CPSF7: variants seen among roughly 807,000 people sequenced by gnomAD.
CPSF7 encodes cleavage and polyadenylation specific factor 7.
A neutral mutation model predicts 44.3 loss-of-function variants in CPSF7; 1 was observed. That is an observed-to-expected ratio of 0.02 (90% CI 0.01 to 0.11). The LOEUF is 0.11. CPSF7 is among the 10% of genes least tolerant of loss of function. The pLI is 1.00. For missense variants in CPSF7, 443 were observed against 607.2 expected (o/e 0.73, Z 2.84); for synonymous variants, 202 against 222.0 (o/e 0.91, Z 0.80).
chr11:61,429,531 T>C (rs2135429716), intron 1 of CPSF7: 1 of 559,438 alleles, frequency 1.8e-6, no homozygotes, highest in Non-Finnish European at 3.0e-6. Context: ...CGCAGCTGCC[T>C]ATGGCGCGAC....
In CPSF7 at chr11:61,425,009, C is replaced by G. The variant is rs576433619; in HGVS notation, c.55-3401G>C. ...CGTACTATATGCTTAGGCAACCAAT[C>G]CACTGTTTTAAGATCCCTTAAGAAT... On this transcript the variant is annotated intron_variant, in intron 2 of 9. Coordinates refer to ENST00000439958, the MANE Select transcript of CPSF7 (RefSeq NM_001142565.3). Among the ~76,000 whole-genome samples the G allele has an allele frequency of 6.6e-5, 10 of 152,322 alleles. No individual in the cohort carries two copies. In the South Asian group the frequency reaches 2.1e-3, roughly 32 times the overall value.
intron 9 of CPSF7, among the ~76,000 whole-genome samples, chr11:61,408,291 T>C (rs1859514839): frequency 6.6e-6 from 1 of 151,984 alleles, no homozygotes; most frequent in Non-Finnish European, 1.5e-5. Flanking sequence ...TCGGTCGGGA[T>C]AGAGACGGGG....
intron 3 of CPSF7, 49 bp downstream of exon 3, chr11:61,421,341 T>C (rs759739362): frequency 1.4e-6 from 2 of 1,479,774 alleles, no homozygotes; most frequent in Non-Finnish European, 1.9e-6. Flanking sequence ...CACCTCCCAG[T>C]GCTCTCCCTC....
At chr11:61,425,542 T>C (rs770340458) in intron 2 of CPSF7, among the ~76,000 whole-genome samples, 1 of 152,192 alleles carries the variant, frequency 6.6e-6, no homozygotes. Context: ...AGAGAACATG[T>C]GTGATTTTCA....
rs900830649 is a variant in CPSF7 at position 61,403,606 on chromosome 11, T to C, written c.*1104A>G. 1 of 152,164 alleles carries C rather than the reference T, an allele frequency of 6.6e-6. No homozygotes were observed. The highest frequency in any genetic ancestry group is 1.5e-5 in the Non-Finnish European group (1 of 68,046). The allele number at this position is 152,164 out of a possible 1,614,324, so 9.4% of individuals were successfully genotyped here. ...AGTCAAAAGGTGAAAAGACACCAAA[T>C]TTGTGACTTTACCTGCCTACTAGTG... On this transcript the variant is annotated 3_prime_UTR_variant, in exon 10 of 10. Transcript: ENST00000439958.
chr11:61,417,347 C>G (rs148772678), intron 5 of CPSF7, among the ~76,000 whole-genome samples: 32 of 152,344 alleles, frequency 2.1e-4, no homozygotes, highest in African/African-American at 7.0e-4. Context: ...AACAGGAGCT[C>G]AGAACATGTT....
chr11:61,411,626 C>A (rs1565101871), intron 8 of CPSF7, 143 bp downstream of exon 8: 6 of 650,672 alleles, frequency 9.2e-6, no homozygotes, highest in Middle Eastern at 9.1e-4. Flanking sequence ...TGATTAGTTT[C>A]TTCCCCAAAA....
Position 61,403,828 on chromosome 11 carries a change from C to G in CPSF7, c.*882G>C, listed in dbSNP as rs1352908871. On this transcript the variant is annotated 3_prime_UTR_variant, in exon 10 of 10. Transcript: ENST00000439958. ...TGTCCCCATCTCCCAATGGGCAGTACCTTCCTCTAAAACAAGGAAGTAGCC... is the reference window on the plus strand; with the variant it reads ...TGTCCCCATCTCCCAATGGGCAGTAGCTTCCTCTAAAACAAGGAAGTAGCC... The G allele has an allele frequency of 6.6e-6, 1 of 152,554 alleles. No homozygotes were observed. Among genetic ancestry groups the G allele is most frequent in the East Asian group, 1.9e-4 (1 of 5,190 alleles). 9.5% of individuals were successfully genotyped at this position (152,554 alleles called of 1,614,324 possible).
chr11:61,405,557 A>G (rs1859235392), intron 9 of CPSF7, among the ~76,000 whole-genome samples: 1 of 152,226 alleles, frequency 6.6e-6, no homozygotes, highest in Non-Finnish European at 1.5e-5. Flanking sequence ...TACTATACTC[A>G]GCACCTGTTC....
At chr11:61,417,865 C>T (rs2135339205) in intron 5 of CPSF7, among the ~76,000 whole-genome samples, 1 of 152,304 alleles carries the variant, frequency 6.6e-6, no homozygotes, top group Non-Finnish European at 1.5e-5. Context: ...ACCAGCTTTA[C>T]TTAGTGAATT....
rs1423202387 is a variant in CPSF7, at chr11:61,427,618, A to C, written c.54+1564T>G. 3.4e-5 allele frequency among the ~76,000 whole-genome samples: 5 copies of C among 149,106 alleles called. No individual in the cohort carries two copies. The East Asian group carries it at 9.9e-4, about 29-fold the overall frequency. ...CAGTGAGCCGAGATCGCGCCACTGC[A>C]CTCCAGCCTGGGTGACAGAGAGAGA... On this transcript the variant is annotated intron_variant, in intron 2 of 9. Transcript: ENST00000439958.
chr11:61,413,129 T>C (rs1860002459), intron 7 of CPSF7, among the ~76,000 whole-genome samples: 2 of 152,192 alleles, frequency 1.3e-5, no homozygotes, highest in Admixed American at 6.5e-5. Flanking sequence ...CTCACTATGT[T>C]GACCAGGCTG....
At chr11:61,405,917 C>T (rs1281602753) in intron 9 of CPSF7, 2 of 152,190 alleles carry the variant, frequency 1.3e-5, no homozygotes, top group African/African-American at 4.8e-5. Context: ...GCCCTCAGTG[C>T]ACTCAATTAC....
chr11:61,404,943 TA>T (rs896315682), intron 9 of CPSF7, among the ~76,000 whole-genome samples: 1 of 152,154 alleles, frequency 6.6e-6, no homozygotes, highest in African/African-American at 2.4e-5. Context: ...ACATCCACTA[TA>T]AAGATTCGGT....
At chr11:61,429,059 T>G in intron 2 of CPSF7, 123 bp downstream of exon 2, 1 of 566,860 alleles carries the variant, frequency 1.8e-6, no homozygotes, top group Non-Finnish European at 3.2e-6. Flanking sequence ...AGGAGAAAAA[T>G]TTTAGACCGG....
At chr11:61,419,828 C>T in intron 5 of CPSF7, 121 bp downstream of exon 5, 1 of 1,241,640 alleles carries the variant, frequency 8.1e-7, no homozygotes, top group South Asian at 1.5e-5. Flanking sequence ...CCACCATCAC[C>T]CTCCCCCAAA....
intron 9 of CPSF7, among the ~76,000 whole-genome samples, chr11:61,410,243 C>T (rs1859737093): frequency 6.6e-6 from 1 of 151,964 alleles, no homozygotes; most frequent in Non-Finnish European, 1.5e-5. Context: ...GACCACCACA[C>T]TTGGCTAATT....
At chr11:61,424,175 G>A (rs1861146891) in intron 2 of CPSF7, among the ~76,000 whole-genome samples, 1 of 152,204 alleles carries the variant, frequency 6.6e-6, no homozygotes, top group Non-Finnish European at 1.5e-5. Context: ...AAAGAATGAG[G>A]AGAGAAGCTA....
intron 2 of CPSF7, among the ~76,000 whole-genome samples, chr11:61,424,071 CA>C (rs1861139280): frequency 6.6e-6 from 1 of 152,134 alleles, no homozygotes; most frequent in African/African-American, 2.4e-5. Flanking sequence ...GGCAACTTAA[CA>C]ACAAGAAATT....
Sources: allele counts gnomAD v4.1 joint callset (sites outside exome capture counted in the v4.1 genomes callset), GRCh38; gene constraint gnomAD v4.1.1; transcripts MANE v1.5; gene names NCBI Gene and HGNC (gene_info 2026-07-23, HGNC 2026-07-21).